The following CALN1 variants were observed in gnomAD, a reference collection of about 807,000 sequenced individuals.
CALN1 encodes the protein calcium-binding protein 8.
CALN1 carries 17 observed loss-of-function variants against 30.6 expected under a neutral mutation model. That is an observed-to-expected ratio of 0.56 (90% CI 0.38 to 0.83). The LOEUF (loss-of-function observed/expected upper bound fraction) is 0.83. Among genes scored for constraint, CALN1 ranks in the 40% least tolerant of loss-of-function variants. The pLI, the probability that CALN1 is intolerant of heterozygous loss-of-function variation, is 0.00. For synonymous variants in CALN1, 156 were observed against 131.4 expected (o/e 1.19, Z -1.28); for missense variants, 291 against 354.9 (o/e 0.82, Z 1.45).
chr7:71,928,217 A>G (rs1795367562), intron 5 of CALN1, among the ~76,000 whole-genome samples: 2 of 152,172 alleles, frequency 1.3e-5, no homozygotes, highest in African/African-American at 4.8e-5. Context: ...GCGCAAGCCT[A>G]TATTCTCATG....
rs770151080 is a variant in CALN1, at chr7:71,787,849, C to T, written c.712G>A (p.Ala238Thr). 7.4e-6 allele frequency: 12 copies of T among 1,613,900 alleles called. No individual in the cohort carries two copies. Among genetic ancestry groups the T allele is most frequent in the South Asian group, 2.2e-5 (2 of 91,076 alleles). Residue 238 changes from alanine (A) to threonine (T), a missense_variant, in exon 7 of 7, where the codon GCC becomes ACC. This residue lies in a region of CALN1 where 169 missense variants were observed against 251.7 expected (regional missense o/e 0.67). Transcript: ENST00000395275. ...QTCVRKSLIC[A>T]FAMAFIISVM... ...CTGATGATGAAGGCCATAGCAAAGGCGCATATGAGGCTCTTCCGGACGCAG... is the reference window on the plus strand; with the variant it reads ...CTGATGATGAAGGCCATAGCAAAGGTGCATATGAGGCTCTTCCGGACGCAG...
At chr7:71,986,385 T>A (rs867861576) in intron 5 of CALN1, among the ~76,000 whole-genome samples, 54 of 152,294 alleles carry the variant, frequency 3.5e-4, no homozygotes, top group African/African-American at 1.3e-3. Flanking sequence ...TTAAAAAGCA[T>A]CTTGATGCTT....
intron 2 of CALN1, among the ~76,000 whole-genome samples, chr7:72,391,377 C>T (rs1472612468): frequency 6.6e-6 from 1 of 152,214 alleles, no homozygotes; most frequent in Admixed American, 6.5e-5. Flanking sequence ...CTTATCTTGA[C>T]TTCCCCTAGA....
rs117728055 is a variant in CALN1, at chr7:72,358,631, G to A, written c.119+44620C>T. 1.1e-3 allele frequency among the ~76,000 whole-genome samples: 174 copies of A among 152,164 alleles called. 2 individuals are homozygous for A. In the East Asian group the frequency reaches 0.033, roughly 29 times the overall value. ...GTGAATTCCCCTCAAGCCCATCGGG[G>A]CAAAGTCAACAAAGATAGATGTAAA... On this transcript the variant is annotated intron_variant, in intron 2 of 6. Coordinates refer to ENST00000395275, the MANE Select transcript of CALN1 (RefSeq NM_031468.4).
At chr7:71,821,215 C>T (rs923887513) in intron 5 of CALN1, among the ~76,000 whole-genome samples, 8 of 151,986 alleles carry the variant, frequency 5.3e-5, no homozygotes, top group East Asian at 3.9e-4. Context: ...ATGAAAGCCC[C>T]GAGGGATGCA....
intron 1 of CALN1, among the ~76,000 whole-genome samples, chr7:72,407,469 A>T (rs189426663): frequency 6.6e-6 from 1 of 152,234 alleles, no homozygotes; most frequent in East Asian, 1.9e-4. Flanking sequence ...TGTTCTTGTG[A>T]TACAGTTCTC....
rs143563714 is a variant in CALN1 at position 72,109,060 on chromosome 7, C to T, written c.245-2766G>A. 1.6e-3 allele frequency among the ~76,000 whole-genome samples: 248 copies of T among 152,292 alleles called. 1 individual carries two copies. The highest frequency in any genetic ancestry group is 5.7e-3 in the African/African-American group (239 of 41,566). On this transcript the variant is annotated intron_variant, in intron 3 of 6. Transcript: ENST00000395275. ...TTCTGAGCGGTAAGCACCTCCTACC[C>T]TTCTTTCATCTTAGTGTGTTCCCCG...
chr7:72,215,200 G>A (rs1243889294), intron 3 of CALN1, among the ~76,000 whole-genome samples: 1 of 152,114 alleles, frequency 6.6e-6, no homozygotes, highest in Non-Finnish European at 1.5e-5. Flanking sequence ...CTGAAGATGA[G>A]GATTGCAGAT....
intron 5 of CALN1, among the ~76,000 whole-genome samples, chr7:71,942,731 T>C (rs1796201200): frequency 6.6e-6 from 1 of 152,082 alleles, no homozygotes; most frequent in Non-Finnish European, 1.5e-5. Context: ...ATGAAGAAGG[T>C]ATGATATAGA....
intron 3 of CALN1, among the ~76,000 whole-genome samples, chr7:72,191,941 C>T (rs1222276728): frequency 6.6e-6 from 1 of 152,010 alleles, no homozygotes; most frequent in Non-Finnish European, 1.5e-5. Flanking sequence ...GCATTTTTTG[C>T]CATTACCTTT....
rs55667543 is a variant in CALN1 at position 71,795,814 on chromosome 7, C to CTTTT, written c.659-7916_659-7913dup. ...ATGTAGCATTTACCAGTACTTCATT[C>CTTTT]TTTTTTTTTTTTTTTTTTTTTTGAG... On this transcript the variant is annotated intron_variant, in intron 6 of 6. Transcript: ENST00000395275. Among the ~76,000 whole-genome samples the CTTTT allele has an allele frequency of 4.5e-3, 438 of 98,420 alleles. 3 individuals are homozygous for CTTTT. The highest frequency in any genetic ancestry group is 5.9e-3 in the Non-Finnish European group (318 of 53,504). The allele number at this position is 98,420 out of a possible 152,430, so 64.6% of individuals were successfully genotyped here.
intron 5 of CALN1, among the ~76,000 whole-genome samples, chr7:71,827,466 AAAGAT>A (rs1788982084): frequency 6.6e-6 from 1 of 152,162 alleles, no homozygotes; most frequent in Admixed American, 6.5e-5. Context: ...TAACGTAGGC[AAAGAT>A]AAGAAACAAA....
chr7:72,261,426 G>A (rs2129552808), intron 3 of CALN1, among the ~76,000 whole-genome samples: 1 of 96,136 alleles, frequency 1.0e-5, no homozygotes, highest in Non-Finnish European at 2.1e-5. Flanking sequence ...TATTTCAGAA[G>A]CTTTTTTTTT....
At chr7:71,831,098 T>C (rs1389721534) in intron 5 of CALN1, among the ~76,000 whole-genome samples, 1 of 152,178 alleles carries the variant, frequency 6.6e-6, no homozygotes, top group African/African-American at 2.4e-5. Flanking sequence ...TAGGATGGAT[T>C]CTGCCACTAA....
chr7:72,133,959 A>T lies in CALN1; in HGVS notation c.245-27665T>A, dbSNP rs556412841. Among the ~76,000 whole-genome samples the T allele has an allele frequency of 2.0e-5, 3 of 152,334 alleles. No homozygotes were observed. The East Asian group carries it at 5.8e-4, about 29-fold the overall frequency. ...ACAGTTTGAGTATGTTCTCTTCAAA[A>T]TTCTTCAAAATTCATGCTGAAATTT... On this transcript the variant is annotated intron_variant, in intron 3 of 6. Transcript: ENST00000395275.
chr7:72,136,422 G>A (rs368382719), intron 3 of CALN1, among the ~76,000 whole-genome samples: 1 of 152,092 alleles, frequency 6.6e-6, no homozygotes, highest in African/African-American at 2.4e-5. Flanking sequence ...TTGGGGCCTT[G>A]CTCACTCTGG....
At chr7:71,850,797 T>C (rs1345709623) in intron 5 of CALN1, among the ~76,000 whole-genome samples, 2 of 152,208 alleles carry the variant, frequency 1.3e-5, no homozygotes, top group African/African-American at 4.8e-5. Flanking sequence ...GAATAAAATC[T>C]ATGTTATGAA....
chr7:71,793,076 G>A (rs886153314), intron 6 of CALN1, among the ~76,000 whole-genome samples: 2 of 152,154 alleles, frequency 1.3e-5, no homozygotes, highest in African/African-American at 4.8e-5. Flanking sequence ...AGGCTGAGGT[G>A]GGTGGATCAC....
chr7:72,026,193 A>C (rs844781), intron 4 of CALN1, among the ~76,000 whole-genome samples: 2,768 of 152,306 alleles, frequency 0.018, 96 homozygotes, highest in African/African-American at 0.064. Flanking sequence ...GATCACCTCT[A>C]TAATGCATTC....
Sources: allele counts gnomAD v4.1 joint callset (sites outside exome capture counted in the v4.1 genomes callset), GRCh38; gene constraint gnomAD v4.1.1; regional missense constraint gnomAD v4.1.1; transcripts MANE v1.5; gene names NCBI Gene and HGNC (gene_info 2026-07-23, HGNC 2026-07-21).